Variants in C10orf67 observed in about 807,000 individuals in gnomAD.
C10orf67 encodes uncharacterized protein C10orf67, mitochondrial.
Under a neutral mutation model 35.6 loss-of-function variants are expected in C10orf67, and 60 were observed. The ratio of observed to expected loss-of-function variants is 1.68; its 90% CI spans 1.37 to 2.09. The LOEUF is 2.09. C10orf67 is among the 30% of genes most tolerant of loss of function. The pLI, the probability that C10orf67 is intolerant of heterozygous loss-of-function variation, is 0.00. For missense variants in C10orf67, 474 were observed against 330.2 expected (o/e 1.44, Z -3.38); for synonymous variants, 167 against 115.8 (o/e 1.44, Z -2.84).
At chr10:23,335,562 G>C (rs1845648251) in intron 1 of C10orf67, among the ~76,000 whole-genome samples, 1 of 152,072 alleles carries the variant, frequency 6.6e-6, no homozygotes, top group African/African-American at 2.4e-5. Flanking sequence ...GGTTTCTACT[G>C]TCACTCTGAT....
At chr10:23,225,011 A>T (rs1841696887) in intron 13 of C10orf67, among the ~76,000 whole-genome samples, 1 of 152,198 alleles carries the variant, frequency 6.6e-6, no homozygotes, top group Non-Finnish European at 1.5e-5. Flanking sequence ...TTCAGGAAAT[A>T]CAGAGAACAC....
rs769537054 is a variant in C10orf67 at position 23,303,436 on chromosome 10, CTCT to C, written c.567_569del (p.Glu190del). 1.0e-5 allele frequency: 6 copies of C among 584,076 alleles called. No individual in the cohort carries two copies. The highest frequency in any genetic ancestry group is 1.5e-5 in the Non-Finnish European group (5 of 324,160). 36.2% of individuals were successfully genotyped at this position (584,076 alleles called of 1,614,324 possible). On this transcript the variant is annotated inframe_deletion, in exon 5 of 16. Coordinates refer to ENST00000636213, the MANE Select transcript of C10orf67 (RefSeq NM_001371909.1). Reference sequence around the variant, plus strand: ...TACTCGCATCTTGCAAAGAAACATTCTCTTCTTCTACCTCAAAGAATTGCTAGG... The same window carrying C: ...TACTCGCATCTTGCAAAGAAACATTCTCTTCTACCTCAAAGAATTGCTAGG...
At chr10:23,306,451 G>T (rs1452147098) in intron 4 of C10orf67, among the ~76,000 whole-genome samples, 1 of 151,048 alleles carries the variant, frequency 6.6e-6, no homozygotes, top group African/African-American at 2.4e-5. Context: ...TTGAAGCCAG[G>T]AGGTGGAGGT....
chr10:23,260,803 T>C (rs1842728166), intron 10 of C10orf67, among the ~76,000 whole-genome samples: 1 of 152,252 alleles, frequency 6.6e-6, no homozygotes, highest in African/African-American at 2.4e-5. Context: ...AAATCTTTTT[T>C]ATATTACTTT....
chr10:23,291,037 A>C (rs1843704466), intron 6 of C10orf67, 95 bp downstream of exon 6: 1 of 606,300 alleles, frequency 1.6e-6, no homozygotes, highest in Non-Finnish European at 2.9e-6. Flanking sequence ...GTAAATAACC[A>C]AACGAATGTA....
At position 23,248,682 on chromosome 10, in the gene C10orf67, C is replaced by T. The variant is rs977268382; in HGVS notation, c.1346+1773G>A. Among the ~76,000 whole-genome samples, 8 of 152,100 alleles carry T rather than the reference C, an allele frequency of 5.3e-5. 1 individual carries two copies. The highest frequency in any genetic ancestry group is 6.5e-5 in the Admixed American group (1 of 15,274). On this transcript the variant is annotated intron_variant, in intron 12 of 15. Transcript: ENST00000636213. ...CACAATTAATCTCCATATCACACCA[C>T]GATGAAGTACTCTGTACAAATGCAC...
chr10:23,308,721 G>A (rs1293700950), intron 4 of C10orf67, among the ~76,000 whole-genome samples: 2 of 152,082 alleles, frequency 1.3e-5, no homozygotes, highest in Non-Finnish European at 2.9e-5. Context: ...CTTAAACCCC[G>A]AGTGTCTCAG....
At chr10:23,207,398 AT>A (rs1370802432) in intron 15 of C10orf67, among the ~76,000 whole-genome samples, 2 of 152,162 alleles carry the variant, frequency 1.3e-5, no homozygotes, top group African/African-American at 2.4e-5. Flanking sequence ...AAAAACTTTT[AT>A]TTTTTGCCTT....
intron 4 of C10orf67, among the ~76,000 whole-genome samples, chr10:23,306,263 C>T (rs1024478836): frequency 3.9e-5 from 6 of 152,048 alleles, no homozygotes; most frequent in East Asian, 1.9e-4. Flanking sequence ...CGGTGGCTCA[C>T]GCCTGTAATC....
chr10:23,242,320 A>G (rs1254297606), intron 12 of C10orf67, among the ~76,000 whole-genome samples: 1 of 152,208 alleles, frequency 6.6e-6, no homozygotes, highest in Non-Finnish European at 1.5e-5. Flanking sequence ...AGAACCCTAT[A>G]CTTGGCAAAA....
At chr10:23,231,059 A>C in intron 13 of C10orf67, among the ~76,000 whole-genome samples, 1 of 152,124 alleles carries the variant, frequency 6.6e-6, no homozygotes, top group East Asian at 1.9e-4. Flanking sequence ...TTGACCTCCC[A>C]GGCTCAAGCT....
chr10:23,253,887 A>G (rs1220917299), intron 10 of C10orf67, among the ~76,000 whole-genome samples: 1 of 152,214 alleles, frequency 6.6e-6, no homozygotes, highest in Non-Finnish European at 1.5e-5. Context: ...GAGAAAAAAA[A>G]GCATCACATG....
chr10:23,219,852 T>G (rs17542850), intron 15 of C10orf67, among the ~76,000 whole-genome samples: 30,472 of 152,122 alleles, frequency 0.2, 3,793 homozygotes, highest in Non-Finnish European at 0.28. Flanking sequence ...TACTTATGCC[T>G]GGTAGAAAAT....
intron 10 of C10orf67, among the ~76,000 whole-genome samples, chr10:23,258,711 C>T (rs1348470239): frequency 2.0e-5 from 3 of 152,188 alleles, no homozygotes; most frequent in Non-Finnish European, 4.4e-5. Flanking sequence ...ACTGAGCTTA[C>T]AATGAGATCA....
At chr10:23,266,546 A>C (rs1842887982) in intron 9 of C10orf67, 120 bp from the exon 10 acceptor site, 1 of 396,548 alleles carries the variant, frequency 2.5e-6, no homozygotes, top group Admixed American at 4.4e-5. Flanking sequence ...TTTCAGTCCT[A>C]GAGCGCATGG....
chr10:23,344,622 A>G lies in C10orf67; in HGVS notation c.153T>C (p.Arg51=), dbSNP rs1029440055. 1.6e-5 allele frequency: 26 copies of G among 1,584,530 alleles called. No individual in the cohort carries two copies. Among genetic ancestry groups the G allele is most frequent in the Non-Finnish European group, 2.1e-5 (24 of 1,166,216 alleles). ...KATELRVCCA[R]RKREAREFKP... is the part of the protein sequence containing the mutation. ...TGAATTCCCGAGCTTCTCGCTTCCT[A>G]CGCGCGCAGCAGACCCGCAGCTCGG... Residue 51 remains arginine (R), a synonymous_variant, in exon 1 of 16, where the codon CGT becomes CGC. Transcript: ENST00000636213.
At chr10:23,315,613 G>A (rs141621903) in intron 4 of C10orf67, among the ~76,000 whole-genome samples, 3 of 152,044 alleles carry the variant, frequency 2.0e-5, no homozygotes, top group Non-Finnish European at 4.4e-5. Flanking sequence ...TGATCTTTTT[G>A]TATGTTTTGT....
At chr10:23,228,128 C>A (rs1449267816) in intron 13 of C10orf67, among the ~76,000 whole-genome samples, 6 of 152,148 alleles carry the variant, frequency 3.9e-5, no homozygotes, top group African/African-American at 1.2e-4. Flanking sequence ...GCCCTCATTG[C>A]CAAGACAATC....
intron 2 of C10orf67, among the ~76,000 whole-genome samples, chr10:23,323,891 CTAAA>C (rs1783383648): frequency 1.7e-5 from 1 of 60,546 alleles, no homozygotes; most frequent in African/African-American, 5.3e-5. Context: ...AAGACTCCGT[CTAAA>C]TATATATATA....
Sources: allele counts gnomAD v4.1 joint callset (sites outside exome capture counted in the v4.1 genomes callset), GRCh38; gene constraint gnomAD v4.1.1; transcripts MANE v1.5; gene names NCBI Gene and HGNC (gene_info 2026-07-23, HGNC 2026-07-21).